FUZ: variants seen among roughly 807,000 people sequenced by gnomAD.
FUZ encodes the protein fuzzy planar cell polarity protein, also known as protein fuzzy homolog.
In FUZ, 31 loss-of-function variants were observed where a neutral mutation model predicts 43.1. The ratio of observed to expected loss-of-function variants is 0.72; its 90% confidence interval spans 0.54 to 0.97. The LOEUF is 0.97. FUZ is among the 50% of genes least tolerant of loss of function. The pLI, the probability that FUZ is intolerant of heterozygous loss-of-function variation, is 0.00. For synonymous variants in FUZ, 274 were observed against 250.0 expected, an observed-to-expected ratio of 1.10 and a Z score of -0.91; for missense variants, 539 against 543.8, an observed-to-expected ratio of 0.99 and a Z score of 0.09.
chr19:49,808,775 G>T lies in FUZ; in HGVS notation c.835C>A (p.Leu279Met). 6.4e-7 allele frequency: 1 copy of T among 1,566,726 alleles called. No homozygotes were observed. The highest frequency in any genetic ancestry group is 8.7e-7 in the Non-Finnish European group (1 of 1,155,744). Residue 279 changes from leucine to methionine, a missense_variant, in exon 8 of 11, where the codon CTG becomes ATG. By Grantham distance (15) the Leu-to-Met change is conservative. Transcript: ENST00000313777. ...GGCAGCGCCCGGGGTCCCAACGGCA[G>T]ACAGGCCCGCAACGGGTCCAGCAGT... ...QPLLDPLRAC[L>M]PLGPRALPSG...
At chr19:49,811,856 C>G (rs911578553) in intron 3 of FUZ, among the ~76,000 whole-genome samples, 157 bp from the exon 4 acceptor site, 3 of 152,184 alleles carry the variant, frequency 2.0e-5, no homozygotes, top group African/African-American at 7.2e-5. Context: ...GCCTGTAATT[C>G]CAGCACTTTG....
At chr19:49,812,230 A>C in intron 3 of FUZ, 21 bp downstream of exon 3, 1 of 1,584,952 alleles carries the variant, frequency 6.3e-7, no homozygotes, top group Non-Finnish European at 8.7e-7. Context: ...CTGGGGAGAA[A>C]AGAGGACTGG....
At chr19:49,813,416 A>G (rs551293769), upstream of FUZ, 2 of 460,890 alleles carry the variant, frequency 4.3e-6, no homozygotes, top group African/African-American at 2.0e-5. Context: ...AAGAGAACCA[A>G]GAAGCCGGAT....
Position 49,808,865 on chromosome 19 carries a change from G to A in FUZ, c.787-42C>T, listed in dbSNP as rs1189050789. ...CATTGTGAGGTCGTCATGGGAAGGC[G>A]GGGCCGGCGGGGGAGGTCGGGGGGT... On this transcript the variant is annotated intron_variant, in intron 7 of 10. Coordinates refer to ENST00000313777, the MANE Select transcript of FUZ (RefSeq NM_025129.5). 2.0e-6 allele frequency: 3 copies of A among 1,467,238 alleles called. No homozygotes were observed. The East Asian group carries it at 7.4e-5, about 36-fold the overall frequency. The allele number at this position is 1,467,238 out of a possible 1,614,324, so 90.9% of individuals were successfully genotyped here. A position where few individuals can be genotyped will look rare whatever the true frequency, so the allele number is the denominator to read the frequency against.
At position 49,809,172 on chromosome 19, in the gene FUZ, C is replaced by T. The variant is rs1192948461; in HGVS notation, c.777G>A (p.Leu259=). The change falls in exon 7 of 11, where the codon TTG becomes TTA. Residue 259 remains leucine, a synonymous_variant. Coordinates refer to ENST00000313777, the MANE Select transcript of FUZ (RefSeq NM_025129.5). This position sits in a 1 kb window ranked among gnomAD's most constrained non-coding sequence, Gnocchi z 5.1. Reference sequence around the variant, plus strand: ...CGTGGCGCGGGTTCACCTGTGGATACAACTGGCTGAGGGGTGGGCTCGGCC... The same window carrying T: ...CGTGGCGCGGGTTCACCTGTGGATATAACTGGCTGAGGGGTGGGCTCGGCC... ...LCGPSPPLSQ[L]YPQLLERWWQ... 2 of 1,551,784 alleles carry T rather than the reference C, an allele frequency of 1.3e-6. No homozygotes were observed. Among genetic ancestry groups the T allele is most frequent in the Non-Finnish European group, 8.7e-7 (1 of 1,147,170 alleles).
Position 49,812,625 on chromosome 19 carries a change from A to T in FUZ, c.223T>A (p.Phe75Ile), listed in dbSNP as rs1257369972. 2 of 1,614,054 alleles carry T rather than the reference A, an allele frequency of 1.2e-6. No individual in the cohort carries two copies. The highest frequency in any genetic ancestry group is 2.2e-5 in the South Asian group (2 of 91,078). ...TENTTVVWKSFHDSITLIVLS... is the reference protein window; with the variant it reads ...TENTTVVWKSIHDSITLIVLS... ...TTCCCTCCTGGGGACCTGTCATGGA[A>T]GCTTTTCCACACCACAGTCGTGTTC... Residue 75 changes from phenylalanine (F) to isoleucine (I), a missense_variant, in exon 2 of 11, where the codon TTC (phenylalanine) becomes ATC (isoleucine). Transcript: ENST00000313777.
chr19:49,812,214 C>T (rs769863484), intron 3 of FUZ, 37 bp downstream of exon 3: 6 of 1,470,970 alleles, frequency 4.1e-6, no homozygotes, highest in East Asian at 2.3e-5. Context: ...ATCTCAGATT[C>T]CTGGTCTGGG....
At position 49,808,556 on chromosome 19, in the gene FUZ, G is replaced by A; in HGVS notation, c.958+18C>T. 2.5e-6 allele frequency: 4 copies of A among 1,600,734 alleles called. No individual in the cohort carries two copies. Among genetic ancestry groups the A allele is most frequent in the Non-Finnish European group, 3.4e-6 (4 of 1,173,872 alleles). ...CCACGCCCCTCCTACCCCTGCCCCT[G>A]CCCCTGTCCTCAGTCACCTTTATCC... On this transcript the variant is annotated intron_variant, in intron 9 of 10. Transcript: ENST00000313777.
intron 10 of FUZ, 116 bp downstream of exon 10, chr19:49,808,298 C>T (rs1417394036): frequency 1.1e-5 from 11 of 1,041,304 alleles, no homozygotes; most frequent in Non-Finnish European, 1.6e-5. Context: ...TGCCCTATGG[C>T]CCAGTGCATA....
chr19:49,808,751 G>A lies in FUZ; in HGVS notation c.859C>T (p.Pro287Ser). ...ACLPLGPRAL[P>S]SGFPLHTDIL... ...TCTGTGTGAAGGGGGAAGCCACTGG[G>A]CAGCGCCCGGGGTCCCAACGGCAGA... Residue 287 changes from proline (P) to serine (S), a missense_variant, in exon 8 of 11, where the codon CCC (proline) becomes TCC (serine). Pro to Ser is a moderately conservative substitution (Grantham distance 74, BLOSUM62 -1). Coordinates refer to ENST00000313777, the MANE Select transcript of FUZ (RefSeq NM_025129.5). 6.3e-7 allele frequency: 1 copy of A among 1,580,698 alleles called. No individual in the cohort carries two copies.
In FUZ at chr19:49,808,411, G is replaced by C. The variant is rs534754038; in HGVS notation, c.1033+3C>G. On this transcript the variant is annotated splice_donor_region_variant and intron_variant, in intron 10 of 10. Coordinates refer to ENST00000313777, the MANE Select transcript of FUZ (RefSeq NM_025129.5). ...CAGTGGGAGCACTGTGCCTTCCGCT[G>C]ACCTGGTGGGAAGTGCGTGGAGGTG... 1 of 1,611,372 alleles carries C rather than the reference G, an allele frequency of 6.2e-7. No homozygotes were observed. Among genetic ancestry groups the C allele is most frequent in the East Asian group, 2.2e-5 (1 of 44,806 alleles).
rs2073878397 is a variant in FUZ, at chr19:49,813,255, T to C, written c.-149A>G. The C allele has an allele frequency of 1.3e-6, 1 of 757,176 alleles. No homozygotes were observed. Among genetic ancestry groups the C allele is most frequent in the East Asian group, 2.7e-5 (1 of 37,474 alleles). The allele number at this position is 757,176 out of a possible 1,614,324, so 46.9% of individuals were successfully genotyped here. A position where few individuals can be genotyped will look rare whatever the true frequency, so the allele number is the denominator to read the frequency against. ...GAAGAGGATTAACTTCCCGCCTTCT[T>C]CACCCAACTCAAACAGACCCTCAAA... On this transcript the variant is annotated 5_prime_UTR_variant, in exon 1 of 11. Coordinates refer to ENST00000313777, the MANE Select transcript of FUZ (RefSeq NM_025129.5).
chr19:49,806,893 G>T lies in FUZ; in HGVS notation c.*258C>A. On this transcript the variant is annotated 3_prime_UTR_variant, in exon 11 of 11. Coordinates refer to ENST00000313777, the MANE Select transcript of FUZ (RefSeq NM_025129.5). ...TGGGGGATGCCTGGGACTTTCCTCCGGCCTTTTGTATTTTTATTTTTGTTC... is the reference window on the plus strand; with the variant it reads ...TGGGGGATGCCTGGGACTTTCCTCCTGCCTTTTGTATTTTTATTTTTGTTC... The T allele has an allele frequency of 6.5e-7, 1 of 1,544,240 alleles. No individual in the cohort carries two copies. Among genetic ancestry groups the T allele is most frequent in the African/African-American group, 1.4e-5 (1 of 73,140 alleles).
rs548889142 is a variant in FUZ at position 49,808,789 on chromosome 19, G to A, written c.821C>T (p.Pro274Leu). Residue 274 changes from proline (P) to leucine (L), a missense_variant, in exon 8 of 11, where the codon CCG (proline) becomes CTG (leucine). Pro to Leu is a moderately conservative substitution (Grantham distance 98). Transcript: ENST00000313777. ...LERWWQPLLD[P>L]LRACLPLGPR... Reference sequence around the variant, plus strand: ...TCCCAACGGCAGACAGGCCCGCAACGGGTCCAGCAGTGGCTGCCACCAGCG... The same window carrying A: ...TCCCAACGGCAGACAGGCCCGCAACAGGTCCAGCAGTGGCTGCCACCAGCG... 4 of 1,558,022 alleles carry A rather than the reference G, an allele frequency of 2.6e-6. No individual in the cohort carries two copies. The highest frequency in any genetic ancestry group is 2.4e-5 in the East Asian group (1 of 41,640).
In FUZ at chr19:49,809,651, G is replaced by A; in HGVS notation, c.493-76C>T. 1 of 1,450,344 alleles carries A rather than the reference G, an allele frequency of 6.9e-7. No homozygotes were observed. The highest frequency in any genetic ancestry group is 1.2e-5 in the South Asian group (1 of 82,092). The allele number at this position is 1,450,344 out of a possible 1,614,324, so 89.8% of individuals were successfully genotyped here. ...TGGCAGCGACTTCCCAGATGGGCAG[G>A]GAATGGGGAGAAACCCACAGCCAGC... On this transcript the variant is annotated intron_variant, in intron 5 of 10. Transcript: ENST00000313777. The surrounding 1 kb of genome is among the most constrained non-coding windows in gnomAD (Gnocchi z 5.1).
rs1468953711 is a variant in FUZ at position 49,809,590 on chromosome 19, C to T, written c.493-15G>A. 2 of 1,580,098 alleles carry T rather than the reference C, an allele frequency of 1.3e-6. No individual in the cohort carries two copies. The highest frequency in any genetic ancestry group is 8.6e-7 in the Non-Finnish European group (1 of 1,169,104). On this transcript the variant is annotated splice_polypyrimidine_tract_variant and intron_variant, in intron 5 of 10. Coordinates refer to ENST00000313777, the MANE Select transcript of FUZ (RefSeq NM_025129.5). This position sits in a 1 kb window ranked among gnomAD's most constrained non-coding sequence, Gnocchi z 5.1. ...GAGAGGGCTTCCTGGGTACGGGAGGCAGGAGGACTGGGAGTCAGCAGACAA... is the reference window on the plus strand; with the variant it reads ...GAGAGGGCTTCCTGGGTACGGGAGGTAGGAGGACTGGGAGTCAGCAGACAA...
At chr19:49,808,323 A>C (rs2073513726) in intron 10 of FUZ, 91 bp downstream of exon 10, 1 of 1,339,162 alleles carries the variant, frequency 7.5e-7, no homozygotes, top group African/African-American at 1.5e-5. Flanking sequence ...GTTCCTCCGG[A>C]TCCTCCAACC....
At chr19:49,808,021 C>T (rs868082928) in intron 10 of FUZ, 13 of 358,296 alleles carry the variant, frequency 3.6e-5, no homozygotes, top group Non-Finnish European at 6.5e-5. Flanking sequence ...GAGCAAGATC[C>T]CCTGTGTTCA....
rs1306708642 is a variant in FUZ at position 49,812,704 on chromosome 19, T to C, written c.144A>G (p.Gly48=). 2 of 1,613,812 alleles carry C rather than the reference T, an allele frequency of 1.2e-6. No individual in the cohort carries two copies. Among genetic ancestry groups the C allele is most frequent in the Non-Finnish European group, 8.5e-7 (1 of 1,179,968 alleles). Residue 48 remains glycine (G), a synonymous_variant, in exon 2 of 11, where the codon GGA becomes GGG. Coordinates refer to ENST00000313777, the MANE Select transcript of FUZ (RefSeq NM_025129.5). ...CCAGATTCTGCCCAAACATGTGGAC[T>C]CCATTGAGGGAACCGATGACAGAGA... ...LPFSVIGSLN[G]VHMFGQNLEV... is the part of the protein sequence containing the mutation.
Sources: allele counts gnomAD v4.1 joint callset (sites outside exome capture counted in the v4.1 genomes callset), GRCh38; gene constraint gnomAD v4.1.1; non-coding constraint Gnocchi (gnomAD v3.1); transcripts MANE v1.5; gene names NCBI Gene and HGNC (gene_info 2026-07-23, HGNC 2026-07-21).